Variants in EBF1 observed in about 807,000 individuals in gnomAD.
EBF1 encodes the protein transcription factor COE1.
In EBF1, 10 loss-of-function variants were observed where a neutral mutation model predicts 68.4. The observed-to-expected ratio is 0.15, with a 90% CI of 0.09 to 0.25. EBF1 has a LOEUF of 0.25. EBF1 is among the 10% of genes least tolerant of loss of function. The pLI, the probability that EBF1 is intolerant of heterozygous loss-of-function variation, is 1.00. For synonymous variants in EBF1, 298 were observed against 299.8 expected (o/e 0.99, Z 0.06); for missense variants, 509 against 794.4 (o/e 0.64, Z 4.32).
At chr5:158,777,361 G>A (rs1453185435) in intron 10 of EBF1, 52 bp downstream of exon 10, 1 of 1,500,988 alleles carries the variant, frequency 6.7e-7, no homozygotes, top group East Asian at 2.4e-5. Context: ...TAAGGGGAAA[G>A]ACCCCACAAG....
chr5:158,706,433 G>C (rs1284966326), intron 15 of EBF1, among the ~76,000 whole-genome samples: 1 of 152,166 alleles, frequency 6.6e-6, no homozygotes, highest in Admixed American at 6.5e-5. Context: ...TATTAGCCAT[G>C]TGACCTGGAT....
chr5:159,094,191 A>C (rs1441006466), intron 4 of EBF1, among the ~76,000 whole-genome samples: 3 of 146,546 alleles, frequency 2.0e-5, no homozygotes, highest in Admixed American at 6.7e-5. Flanking sequence ...AAAAAAAAAA[A>C]AAACACAGTG....
chr5:158,775,849 T>C (rs975936184), intron 10 of EBF1, among the ~76,000 whole-genome samples: 2 of 145,362 alleles, frequency 1.4e-5, no homozygotes, highest in Admixed American at 1.4e-4. Flanking sequence ...GAAGTTCTCA[T>C]GGGAAAAATG....
intron 6 of EBF1, among the ~76,000 whole-genome samples, chr5:159,065,726 T>G (rs925393744): frequency 6.6e-6 from 1 of 152,108 alleles, no homozygotes; most frequent in Non-Finnish European, 1.5e-5. Context: ...ATATGTATAA[T>G]AGTGACAGTG....
intron 10 of EBF1, among the ~76,000 whole-genome samples, chr5:158,747,711 C>T (rs1271445319): frequency 6.6e-6 from 1 of 152,164 alleles, no homozygotes; most frequent in African/African-American, 2.4e-5. Flanking sequence ...TGTGACTTTA[C>T]CTACATTCTT....
intron 6 of EBF1, among the ~76,000 whole-genome samples, chr5:158,880,205 G>A (rs1798620734): frequency 6.6e-6 from 1 of 152,116 alleles, no homozygotes. Flanking sequence ...GATCCCACAA[G>A]TTTCCCACAC....
intron 6 of EBF1, among the ~76,000 whole-genome samples, chr5:158,930,479 C>A (rs1270181997): frequency 6.6e-6 from 1 of 152,144 alleles, no homozygotes; most frequent in African/African-American, 2.4e-5. Flanking sequence ...CCTTCCCATG[C>A]CCTGGAGGTA....
chr5:158,777,864 C>T (rs542520529), intron 9 of EBF1, among the ~76,000 whole-genome samples: 5 of 152,188 alleles, frequency 3.3e-5, no homozygotes, highest in African/African-American at 9.6e-5. Flanking sequence ...AAATCAGAGC[C>T]GAGCTTTGCC....
chr5:159,049,735 C>A (rs1382275667), intron 6 of EBF1, among the ~76,000 whole-genome samples: 1 of 152,110 alleles, frequency 6.6e-6, no homozygotes, highest in Non-Finnish European at 1.5e-5. Context: ...AATTGTCCAA[C>A]GTTAGAATCA....
At chr5:158,999,998 T>C (rs1762216124) in intron 6 of EBF1, among the ~76,000 whole-genome samples, 1 of 152,204 alleles carries the variant, frequency 6.6e-6, no homozygotes, top group Non-Finnish European at 1.5e-5. Context: ...TCTGAGTCTC[T>C]TTTATGGGCC....
At chr5:158,917,508 G>T (rs531936262) in intron 6 of EBF1, among the ~76,000 whole-genome samples, 2 of 152,296 alleles carry the variant, frequency 1.3e-5, no homozygotes, top group South Asian at 4.1e-4. Context: ...TTTCTCAAGG[G>T]TCATGTGCAA....
chr5:158,833,492 G>T (rs1371948561), intron 7 of EBF1, among the ~76,000 whole-genome samples: 3 of 152,044 alleles, frequency 2.0e-5, no homozygotes, highest in Admixed American at 6.5e-5. Context: ...GTCTTCATGG[G>T]CTGCACAGCT....
At chr5:158,937,942 A>G (rs909648021) in intron 6 of EBF1, among the ~76,000 whole-genome samples, 1 of 152,066 alleles carries the variant, frequency 6.6e-6, no homozygotes, top group African/African-American at 2.4e-5. Flanking sequence ...TCACTTCAAG[A>G]GCTCCTCCAT....
chr5:158,969,920 A>AGAG (rs770651883), intron 6 of EBF1, among the ~76,000 whole-genome samples: 3 of 68,630 alleles, frequency 4.4e-5, no homozygotes, highest in Non-Finnish European at 6.7e-5. Flanking sequence ...AAGAAAGAAA[A>AGAG]AAAAAAAAAA....
intron 6 of EBF1, among the ~76,000 whole-genome samples, chr5:159,030,352 A>C (rs1768529744): frequency 6.6e-6 from 1 of 152,162 alleles, no homozygotes; most frequent in African/African-American, 2.4e-5. Context: ...AGGGGATGGT[A>C]TATTATTATT....
At position 158,787,264 on chromosome 5, in the gene EBF1, A is replaced by G. The variant is rs764981378; in HGVS notation, c.909+9081T>C. On this transcript the variant is annotated intron_variant, in intron 9 of 15. Transcript: ENST00000313708. ...GGCCACTGTCATTAATGAGCTGCAC[A>G]GTAATATAGTTCTGTGTTTGCTTTT... 2.0e-4 allele frequency among the ~76,000 whole-genome samples: 31 copies of G among 152,154 alleles called. 1 individual carries two copies. Among genetic ancestry groups the G allele is most frequent in the Non-Finnish European group, 2.9e-5 (2 of 68,022 alleles).
intron 6 of EBF1, among the ~76,000 whole-genome samples, chr5:158,866,851 A>ATATGTATATG (rs1377569460): frequency 1.4e-3 from 8 of 5,686 alleles, no homozygotes; most frequent in Admixed American, 4.0e-3. Context: ...ATATATATAT[A>ATATGTATATG]TATATATATA....
chr5:158,773,486 C>A (rs1366014397), intron 10 of EBF1, among the ~76,000 whole-genome samples: 1 of 152,228 alleles, frequency 6.6e-6, no homozygotes, highest in South Asian at 2.1e-4. Context: ...AACCAGACAT[C>A]TGAGTTGTTA....
chr5:158,912,667 T>C (rs1386631231), intron 6 of EBF1, among the ~76,000 whole-genome samples: 1 of 152,126 alleles, frequency 6.6e-6, no homozygotes, highest in Non-Finnish European at 1.5e-5. Flanking sequence ...AACAACTCCA[T>C]GAAGAAGATA....
Sources: gnomAD v4.1 joint callset for allele counts (sites outside exome capture counted in the v4.1 genomes callset) on GRCh38, gnomAD v4.1.1 for gene constraint, MANE v1.5 for transcripts, NCBI Gene and HGNC (gene_info 2026-07-23, HGNC 2026-07-21) for gene names.